VAX2: variants seen among roughly 807,000 people sequenced by gnomAD.
VAX2 encodes the protein ventral anterior homeobox 2.
In VAX2, 8 loss-of-function variants were observed where a neutral mutation model predicts 12.5. The observed-to-expected ratio is 0.64, with a 90% CI of 0.37 to 1.15. The LOEUF is 1.15. Among genes scored for constraint, VAX2 ranks in the 50% most tolerant of loss-of-function variants. The pLI is 0.01. For synonymous variants in VAX2, 183 were observed against 187.6 expected, an observed-to-expected ratio of 0.98 and a Z score of 0.20; for missense variants, 476 against 412.9, an observed-to-expected ratio of 1.15 and a Z score of -1.32.
chr2:70,913,506 G>T (rs1465619340), intron 1 of VAX2, among the ~76,000 whole-genome samples: 1 of 152,002 alleles, frequency 6.6e-6, no homozygotes, highest in African/African-American at 2.4e-5. Context: ...GTGAAACCCT[G>T]CCTCTACTAA....
At chr2:70,901,523 T>C (rs1678928223) in intron 1 of VAX2, among the ~76,000 whole-genome samples, 1 of 152,196 alleles carries the variant, frequency 6.6e-6, no homozygotes, top group South Asian at 2.1e-4. Flanking sequence ...CACGTCCTTC[T>C]CTTTCTCCCT....
intron 1 of VAX2, among the ~76,000 whole-genome samples, chr2:70,907,161 T>C (rs1679079189): frequency 6.6e-6 from 1 of 152,260 alleles, no homozygotes; most frequent in African/African-American, 2.4e-5. Flanking sequence ...CATAGAATAA[T>C]TGTTAAAGCA....
At chr2:70,909,353 T>A (rs570158855) in intron 1 of VAX2, among the ~76,000 whole-genome samples, 85 of 151,918 alleles carry the variant, frequency 5.6e-4, no homozygotes, top group African/African-American at 1.9e-3. Flanking sequence ...TTATTTATTT[T>A]CTTTAATTTT....
rs1300794281 is a variant in VAX2 at position 70,926,484 on chromosome 2, T to C, written c.435+5199T>C. Reference sequence around the variant, plus strand: ...GTTTTAGAAACCTTCTGATACACCTTGTCACCATGCTTTGTTTGAAAAAGA... The same window carrying C: ...GTTTTAGAAACCTTCTGATACACCTCGTCACCATGCTTTGTTTGAAAAAGA... On this transcript the variant is annotated intron_variant, in intron 2 of 2. Transcript: ENST00000234392. Among the ~76,000 whole-genome samples the C allele has an allele frequency of 2.0e-5, 3 of 152,318 alleles. No individual in the cohort carries two copies. The East Asian group carries it at 5.8e-4, about 29-fold the overall frequency.
chr2:70,900,729 TG>T lies in VAX2; in HGVS notation c.109del (p.Asp37MetfsTer103). ...GCAGCGGAGCGGGGGACTTGCGAGC[TG>T]ATGGCGGTGGCCACAGCCCAACGGA... is the stretch of plus-strand genomic sequence containing the variant. ...DRSGAGDLRA[D>X]GGGHSPTEVA... On this transcript the variant is annotated frameshift_variant, in exon 1 of 3. Coordinates refer to ENST00000234392, the MANE Select transcript of VAX2 (RefSeq NM_012476.3). LOFTEE classifies it high-confidence loss of function. 7.0e-7 allele frequency: 1 copy of T among 1,418,568 alleles called. No homozygotes were observed. 87.9% of individuals were successfully genotyped at this position (1,418,568 alleles called of 1,614,324 possible).
At chr2:70,911,152 T>G (rs62143229) in intron 1 of VAX2, among the ~76,000 whole-genome samples, 11,273 of 152,116 alleles carry the variant, frequency 0.074, 515 homozygotes, top group South Asian at 0.17. Context: ...TGTTCCTATG[T>G]GGTTACAAAA....
intron 2 of VAX2, among the ~76,000 whole-genome samples, chr2:70,922,089 C>A (rs782215493): frequency 6.6e-6 from 1 of 152,170 alleles, no homozygotes; most frequent in Non-Finnish European, 1.5e-5. Flanking sequence ...TAATTAGTTC[C>A]GGAGCTGGGC....
chr2:70,921,045 G>T, intron 1 of VAX2, 53 bp from the exon 2 acceptor site: 1 of 1,479,622 alleles, frequency 6.8e-7, no homozygotes, highest in Admixed American at 2.5e-5. Flanking sequence ...GCTTTCTGGT[G>T]ATCTAACTCC....
At chr2:70,903,043 G>A (rs1678968710) in intron 1 of VAX2, among the ~76,000 whole-genome samples, 1 of 152,166 alleles carries the variant, frequency 6.6e-6, no homozygotes, top group East Asian at 1.9e-4. Context: ...AAACGCTCAG[G>A]ATGTGATTTG....
intron 2 of VAX2, among the ~76,000 whole-genome samples, chr2:70,927,257 G>A (rs1454558373): frequency 2.0e-5 from 3 of 152,026 alleles, no homozygotes; most frequent in African/African-American, 7.2e-5. Flanking sequence ...AAAGGAAGAT[G>A]AGAAGCTGGC....
chr2:70,918,818 C>T (rs1679368497), intron 1 of VAX2, among the ~76,000 whole-genome samples: 1 of 100,768 alleles, frequency 9.9e-6, no homozygotes, highest in South Asian at 3.3e-4. Flanking sequence ...ATGGTGTGAA[C>T]CCTGGAGGCA....
At chr2:70,924,240 G>C (rs1189478285) in intron 2 of VAX2, 1 of 152,182 alleles carries the variant, frequency 6.6e-6, no homozygotes, top group African/African-American at 2.4e-5. Flanking sequence ...GCGGCTGAAA[G>C]TTTCTACCCT....
chr2:70,902,580 A>G (rs548732780), intron 1 of VAX2, among the ~76,000 whole-genome samples: 5 of 152,282 alleles, frequency 3.3e-5, no homozygotes, highest in African/African-American at 9.6e-5. Context: ...AACCCCACCT[A>G]TGGGTGGACA....
chr2:70,924,033 C>T (rs1321046447), intron 2 of VAX2, among the ~76,000 whole-genome samples: 1 of 152,108 alleles, frequency 6.6e-6, no homozygotes, highest in Admixed American at 6.6e-5. Flanking sequence ...TGGTGGCACA[C>T]ACCTGTAGTC....
At chr2:70,909,024 T>C (rs1679126050) in intron 1 of VAX2, among the ~76,000 whole-genome samples, 1 of 152,256 alleles carries the variant, frequency 6.6e-6, no homozygotes, top group African/African-American at 2.4e-5. Context: ...CAAATATACC[T>C]TTTCCTTATT....
At chr2:70,925,051 G>T (rs1044856348) in intron 2 of VAX2, among the ~76,000 whole-genome samples, 2 of 152,220 alleles carry the variant, frequency 1.3e-5, no homozygotes, top group East Asian at 3.9e-4. Flanking sequence ...CTATGAAGAC[G>T]TGAGGGGCAG....
intron 2 of VAX2, among the ~76,000 whole-genome samples, chr2:70,926,455 C>T (rs1057494467): frequency 1.3e-5 from 2 of 152,296 alleles, no homozygotes; most frequent in South Asian, 2.1e-4. Flanking sequence ...TCCAGTTCTC[C>T]TTGGTTTTAG....
chr2:70,910,783 TAAAAA>T (rs541915168), intron 1 of VAX2, among the ~76,000 whole-genome samples: 2 of 123,850 alleles, frequency 1.6e-5, no homozygotes, highest in African/African-American at 3.2e-5. Flanking sequence ...GTCACTTTCT[TAAAAA>T]AAAAAACAAA....
intron 1 of VAX2, among the ~76,000 whole-genome samples, chr2:70,912,933 A>G (rs1422875821): frequency 6.8e-6 from 1 of 146,060 alleles, no homozygotes; most frequent in Non-Finnish European, 1.5e-5. Flanking sequence ...AAAATGCAGG[A>G]CTCATTTCAT....
Sources: gnomAD v4.1 joint callset for allele counts (sites outside exome capture counted in the v4.1 genomes callset) on GRCh38, gnomAD v4.1.1 for gene constraint, MANE v1.5 for transcripts, NCBI Gene and HGNC (gene_info 2026-07-23, HGNC 2026-07-21) for gene names.